Variants in ORC3 observed in about 807,000 individuals in gnomAD.
ORC3 encodes the protein homolog of latheo, Drosophila.
Under a neutral mutation model 100.7 loss-of-function variants are expected in ORC3, and 78 were observed. The ratio of observed to expected loss-of-function variants is 0.77; its 90% CI spans 0.65 to 0.94. ORC3 has a LOEUF of 0.94. Ranked by LOEUF, ORC3 falls within the 40% of genes least tolerant of loss-of-function variation. ORC3 has a pLI of 0.00. For synonymous variants in ORC3, 295 were observed against 289.3 expected (o/e 1.02, Z -0.20); for missense variants, 789 against 823.9 (o/e 0.96, Z 0.52).
chr6:87,667,090 C>T lies in ORC3; in HGVS notation c.2103C>T (p.Asp701=). Residue 701 remains aspartate (D), a synonymous_variant, in exon 20 of 20, where the codon GAC becomes GAT. Coordinates refer to ENST00000392844, the MANE Select transcript of ORC3 (RefSeq NM_012381.4). The part of the protein sequence containing the change: ...GFIKPTKQKT[D]HVARLTWGGC ...TAAAACCTACCAAACAGAAGACTGA[C>T]CATGTGGCAAGACTAACATGGGGAG... The T allele has an allele frequency of 1.2e-6, 2 of 1,610,294 alleles. No homozygotes were observed. The highest frequency in any genetic ancestry group is 1.7e-6 in the Non-Finnish European group (2 of 1,178,106).
intron 11 of ORC3, among the ~76,000 whole-genome samples, chr6:87,629,797 G>A (rs985490274): frequency 6.6e-5 from 10 of 152,012 alleles, no homozygotes; most frequent in South Asian, 2.1e-4. Flanking sequence ...AAGTGAGAAC[G>A]TGCGGTATTT....
the ORC3 span, chr6:87,675,592 G>A: frequency 3.7e-5 from 59 of 1,613,878 alleles, no homozygotes; most frequent in African/African-American, 8.0e-5. Flanking sequence ...TGCAGGATAC[G>A]TGATTCATGA....
intron 1 of ORC3, among the ~76,000 whole-genome samples, chr6:87,593,651 G>A (rs28381465): frequency 6.6e-6 from 1 of 152,086 alleles, no homozygotes; most frequent in Non-Finnish European, 1.5e-5. Flanking sequence ...AATAAGTTTC[G>A]GGTTGGGAGA....
chr6:87,616,649 A>C (rs1030790593), intron 9 of ORC3, among the ~76,000 whole-genome samples: 1 of 152,214 alleles, frequency 6.6e-6, no homozygotes, highest in East Asian at 1.9e-4. Flanking sequence ...CTTCTATTCC[A>C]GCAATTCTTA....
intron 1 of ORC3, 29 bp from the exon 2 acceptor site, chr6:87,594,324 C>G: frequency 2.6e-6 from 4 of 1,547,164 alleles, no homozygotes; most frequent in Non-Finnish European, 3.5e-6. Flanking sequence ...GCTACTTTGA[C>G]TTTATGCTTT....
intron 16 of ORC3, among the ~76,000 whole-genome samples, chr6:87,658,624 C>T (rs188719469): frequency 1.3e-4 from 20 of 152,178 alleles, no homozygotes; most frequent in Admixed American, 1.2e-3. Context: ...GAATGTTTCT[C>T]TTTCTAATAA....
the ORC3 span, chr6:87,675,422 C>G: frequency 1.3e-6 from 1 of 764,674 alleles, no homozygotes; most frequent in Non-Finnish European, 2.2e-6. Flanking sequence ...GTGGTACTGA[C>G]ATCAGGGAAA....
intron 13 of ORC3, among the ~76,000 whole-genome samples, chr6:87,642,992 A>G (rs1303997550): frequency 6.6e-6 from 1 of 152,146 alleles, no homozygotes; most frequent in East Asian, 1.9e-4. Context: ...TTAGAAAAGG[A>G]ATTGCCAATC....
At chr6:87,611,065 T>A (rs1344887290) in intron 7 of ORC3, among the ~76,000 whole-genome samples, 1 of 151,316 alleles carries the variant, frequency 6.6e-6, no homozygotes, top group Non-Finnish European at 1.5e-5. Context: ...GGTCCCCAAG[T>A]AGCTAGGACT....
At chr6:87,632,816 A>T (rs1767527996) in intron 11 of ORC3, among the ~76,000 whole-genome samples, 1 of 152,190 alleles carries the variant, frequency 6.6e-6, no homozygotes, top group South Asian at 2.1e-4. Context: ...GTGAGCAGAG[A>T]GTTAGACTTC....
chr6:87,670,885 T>C (rs1040627403), downstream of ORC3, among the ~76,000 whole-genome samples: 4 of 152,174 alleles, frequency 2.6e-5, no homozygotes, highest in Non-Finnish European at 4.4e-5. Flanking sequence ...GCAGGCTTCA[T>C]TGAGATGACG....
rs373640665 is a variant in ORC3, at chr6:87,648,200, AAAAACAAAAC to A, written c.1383-4895_1383-4886del. Among the ~76,000 whole-genome samples the A allele has an allele frequency of 5.9e-3, 892 of 152,216 alleles. 10 individuals are homozygous for A. The highest frequency in any genetic ancestry group is 0.02 in the African/African-American group (842 of 41,506). On this transcript the variant is annotated intron_variant, in intron 13 of 19. Transcript: ENST00000392844. Reference sequence around the variant, plus strand: ...TGGCAACAGAGCAAGACTCTGCCTCAAAAACAAAACAAAACAAAACAAAACAAAACCAAAA... The same window carrying A: ...TGGCAACAGAGCAAGACTCTGCCTCAAAAACAAAACAAAACAAAACCAAAA...
At chr6:87,615,190 CTT>C (rs1779072682) in intron 8 of ORC3, among the ~76,000 whole-genome samples, 2 of 152,180 alleles carry the variant, frequency 1.3e-5, no homozygotes, top group Non-Finnish European at 2.9e-5. Flanking sequence ...GGGAACTCCT[CTT>C]TATAAAACCA....
intron 1 of ORC3, among the ~76,000 whole-genome samples, chr6:87,592,729 G>A (rs6902069): frequency 0.072 from 10,962 of 152,260 alleles, 551 homozygotes; most frequent in African/African-American, 0.15. Flanking sequence ...ACACTATCCT[G>A]AGACAACTTT....
At chr6:87,664,975 CT>C (rs1770485788) in intron 18 of ORC3, 116 bp downstream of exon 18, 2 of 660,586 alleles carry the variant, frequency 3.0e-6, no homozygotes, top group Non-Finnish European at 5.2e-6. Flanking sequence ...AATGCCTTGT[CT>C]TTTATTTGGA....
At chr6:87,648,687 A>G (rs1304774012) in intron 13 of ORC3, among the ~76,000 whole-genome samples, 1 of 152,230 alleles carries the variant, frequency 6.6e-6, no homozygotes, top group East Asian at 1.9e-4. Context: ...ATTGTATCAA[A>G]TGACACTTGA....
chr6:87,591,742 T>C (rs972557647), intron 1 of ORC3, among the ~76,000 whole-genome samples: 2 of 152,178 alleles, frequency 1.3e-5, no homozygotes, highest in African/African-American at 4.8e-5. Flanking sequence ...TTCTTTTCTT[T>C]TTTTTCTTGA....
chr6:87,590,157 GTCAGTAAGACCATGGCTACGTCC>G lies in ORC3; in HGVS notation c.-9_14del. 1 of 1,614,132 alleles carries G rather than the reference GTCAGTAAGACCATGGCTACGTCC, an allele frequency of 6.2e-7. No homozygotes were observed. The highest frequency in any genetic ancestry group is 1.1e-5 in the South Asian group (1 of 91,082). ...CCCGAGTGCATCTGGAATACGCAGA[GTCAGTAAGACCATGGCTACGTCC>G]TCGATGTCTAAGGTATGTGGTGGCC... On this transcript the variant is annotated start_lost and 5_prime_UTR_variant, in exon 1 of 20. Coordinates refer to ENST00000392844, the MANE Select transcript of ORC3 (RefSeq NM_012381.4).
At chr6:87,665,270 C>T (rs771261246) in intron 18 of ORC3, among the ~76,000 whole-genome samples, 3 of 152,162 alleles carry the variant, frequency 2.0e-5, no homozygotes, top group Admixed American at 6.5e-5. Context: ...ACAGATTTAG[C>T]AATCAGGAAG....
Sources: gnomAD v4.1 joint callset for allele counts (sites outside exome capture counted in the v4.1 genomes callset) on GRCh38, gnomAD v4.1.1 for gene constraint, MANE v1.5 for transcripts, NCBI Gene and HGNC (gene_info 2026-07-23, HGNC 2026-07-21) for gene names.